ERMARD: variants seen among roughly 807,000 people sequenced by gnomAD.
ERMARD encodes endoplasmic reticulum membrane-associated RNA degradation protein.
In ERMARD, 71 loss-of-function variants were observed where a neutral mutation model predicts 83.9. The ratio of observed to expected loss-of-function variants is 0.85; its 90% confidence interval spans 0.70 to 1.03. The LOEUF (loss-of-function observed/expected upper bound fraction) is 1.03, where lower values mean the gene tolerates loss of function less well. Ranked by LOEUF, ERMARD falls within the 50% of genes least tolerant of loss-of-function variation. The probability of loss-of-function intolerance (pLI) is 0.00; values close to 1 mark genes in which losing one functional copy is unlikely to be tolerated. For missense variants in ERMARD, 838 were observed against 810.9 expected (o/e 1.03, Z -0.41); for synonymous variants, 284 against 298.6 (o/e 0.95, Z 0.50).
chr6:169,759,150 G>C, intron 6 of ERMARD, 85 bp downstream of exon 6: 1 of 1,209,026 alleles, frequency 8.3e-7, no homozygotes, highest in Non-Finnish European at 1.2e-6. Flanking sequence ...GAAGGAAATA[G>C]ATTTTGTGAA....
At chr6:169,758,252 C>T (rs1344988617) in intron 5 of ERMARD, among the ~76,000 whole-genome samples, 1 of 152,220 alleles carries the variant, frequency 6.6e-6, no homozygotes, top group African/African-American at 2.4e-5. Flanking sequence ...ACCATACTTT[C>T]TCCTATGACA....
At chr6:169,774,419 A>T (rs1793342917) in intron 13 of ERMARD, among the ~76,000 whole-genome samples, 1 of 152,160 alleles carries the variant, frequency 6.6e-6, no homozygotes, top group Non-Finnish European at 1.5e-5. Flanking sequence ...GCCCTTACGA[A>T]GGTGGAGGTG....
intron 17 of ERMARD, among the ~76,000 whole-genome samples, chr6:169,781,015 G>A (rs1386580990): frequency 6.6e-6 from 1 of 152,204 alleles, no homozygotes; most frequent in Non-Finnish European, 1.5e-5. Context: ...TTATGTGTCA[G>A]TTTGATGCAG....
intron 1 of ERMARD, among the ~76,000 whole-genome samples, chr6:169,752,724 C>T (rs1301045145): frequency 3.3e-5 from 5 of 152,138 alleles, no homozygotes; most frequent in African/African-American, 1.2e-4. Flanking sequence ...GCTTCGGTTC[C>T]GCTTTAGATC....
At chr6:169,779,503 G>GTT (rs111514541) in intron 17 of ERMARD, among the ~76,000 whole-genome samples, 12 of 151,578 alleles carry the variant, frequency 7.9e-5, no homozygotes, top group African/African-American at 1.5e-4. Flanking sequence ...GTTTTGTTTT[G>GTT]TTTTTTTTGG....
upstream of ERMARD, chr6:169,751,489 T>A (rs1790067998): frequency 6.2e-7 from 1 of 1,611,388 alleles, no homozygotes; most frequent in Non-Finnish European, 8.5e-7. Flanking sequence ...GCCCACCGCC[T>A]CCCCTTCACC....
chr6:169,772,770 C>CAA (rs60417475), intron 12 of ERMARD, among the ~76,000 whole-genome samples: 59 of 99,912 alleles, frequency 5.9e-4, no homozygotes, highest in African/African-American at 1.1e-3. Context: ...GACTCTGTCT[C>CAA]AAAAAAAAAA....
chr6:169,752,038 G>T (rs1303816632), intron 1 of ERMARD: 2 of 298,996 alleles, frequency 6.7e-6, no homozygotes, highest in East Asian at 6.8e-5. Flanking sequence ...CCTAGTCGCT[G>T]CCTGTAGGGT....
rs1429032779 is a variant in ERMARD at position 169,775,360 on chromosome 6, TG to T, written c.1394+18del. On this transcript the variant is annotated intron_variant, in intron 14 of 17. Coordinates refer to ENST00000366773, the MANE Select transcript of ERMARD (RefSeq NM_018341.3). ...GCAAGCCGTCAGGTGCGTGGCATCC[TG>T]GGGCCTGGCTGACCTCAAGCTTGTC... 7 of 1,613,834 alleles carry T rather than the reference TG, an allele frequency of 4.3e-6. No homozygotes were observed. The highest frequency in any genetic ancestry group is 5.9e-6 in the Non-Finnish European group (7 of 1,179,856).
intron 11 of ERMARD, 145 bp downstream of exon 11, chr6:169,768,316 C>G: frequency 1.4e-6 from 1 of 711,784 alleles, no homozygotes. Flanking sequence ...CTTCAGCCAC[C>G]AATCAGCTGA....
chr6:169,775,892 G>A (rs759066194), intron 14 of ERMARD, 48 bp from the exon 15 acceptor site: 31 of 1,605,192 alleles, frequency 1.9e-5, no homozygotes, highest in African/African-American at 1.3e-5. Context: ...AGGCACTGAT[G>A]TGAGCACTTT....
intron 8 of ERMARD, among the ~76,000 whole-genome samples, chr6:169,761,343 A>C (rs1374030812): frequency 1.3e-5 from 2 of 151,888 alleles, no homozygotes. Flanking sequence ...CAGCCTCCTG[A>C]GTAGATAGGA....
upstream of ERMARD, chr6:169,751,443 G>A (rs780639416): frequency 1.9e-6 from 3 of 1,613,880 alleles, no homozygotes; most frequent in Non-Finnish European, 2.5e-6. Context: ...TTCACGCCTC[G>A]GCCTCGCTTC....
chr6:169,768,892 G>A (rs1389666382), intron 11 of ERMARD, among the ~76,000 whole-genome samples: 1 of 152,114 alleles, frequency 6.6e-6, no homozygotes, highest in East Asian at 1.9e-4. Flanking sequence ...GACTAATTTG[G>A]ACTACAATAG....
chr6:169,752,398 T>C (rs1291547609), intron 1 of ERMARD, among the ~76,000 whole-genome samples: 1 of 152,174 alleles, frequency 6.6e-6, no homozygotes, highest in Non-Finnish European at 1.5e-5. Context: ...TGAGGAATGA[T>C]TCAAATTTAA....
At chr6:169,758,883 A>G in intron 5 of ERMARD, 85 bp from the exon 6 acceptor site, 1 of 1,275,172 alleles carries the variant, frequency 7.8e-7, no homozygotes. Flanking sequence ...CTCAGTTAAA[A>G]AGAGGAACAC....
rs1046703008 is a variant in ERMARD, at chr6:169,751,809, G to T, written c.6+146G>T. On this transcript the variant is annotated intron_variant, in intron 1 of 17. Transcript: ENST00000366773. ...CGCGCTGGAGGGCGCTGGCGACGTC[G>T]CGGCCCTGGCCTCTGTGGCGGTATC... 11 of 1,219,710 alleles carry T rather than the reference G, an allele frequency of 9.0e-6. No homozygotes were observed. The South Asian group carries it at 1.9e-4, about 21-fold the overall frequency. 75.6% of individuals were successfully genotyped at this position (1,219,710 alleles called of 1,614,324 possible). A position where few individuals can be genotyped will look rare whatever the true frequency, so the allele number is the denominator to read the frequency against.
Position 169,769,679 on chromosome 6 carries a change from G to C in ERMARD, c.1199G>C (p.Arg400Thr), listed in dbSNP as rs201926332. 6.2e-7 allele frequency: 1 copy of C among 1,609,652 alleles called. No homozygotes were observed. The highest frequency in any genetic ancestry group is 2.2e-5 in the East Asian group (1 of 44,748). The part of the protein sequence containing the change: ...LLAFSLVLLL[R>T]FVDDCLLSVF... Reference sequence around the variant, plus strand: ...GCATTTTCTCTTGTACTGCTACTCAGATTCGTTGATGACTGTCTGCTATCA... The same window carrying C: ...GCATTTTCTCTTGTACTGCTACTCACATTCGTTGATGACTGTCTGCTATCA... Residue 400 changes from arginine to threonine, a missense_variant, in exon 12 of 18, where the codon AGA becomes ACA. By Grantham distance (71) the Arg-to-Thr change is moderately conservative (BLOSUM62 -1). Coordinates refer to ENST00000366773, the MANE Select transcript of ERMARD (RefSeq NM_018341.3).
Position 169,756,323 on chromosome 6 carries a change from T to C in ERMARD, c.316-15T>C. On this transcript the variant is annotated splice_polypyrimidine_tract_variant and intron_variant, in intron 3 of 17. Transcript: ENST00000366773. ...TTCAGAGTGTACATCCTAATATGTG[T>C]TTTATTGTAAATAGTTATTTCCTGA... 5.9e-6 allele frequency: 9 copies of C among 1,534,062 alleles called. No individual in the cohort carries two copies. The highest frequency in any genetic ancestry group is 8.1e-6 in the Non-Finnish European group (9 of 1,114,720).
Sources: gnomAD v4.1 joint callset for allele counts (sites outside exome capture counted in the v4.1 genomes callset) on GRCh38, gnomAD v4.1.1 for gene constraint, MANE v1.5 for transcripts, NCBI Gene and HGNC (gene_info 2026-07-23, HGNC 2026-07-21) for gene names.